Variants in ARHGAP15 observed in about 807,000 individuals in gnomAD.
The protein encoded by ARHGAP15 is Rho GTPase activating protein 15.
Under a neutral mutation model 63.7 loss-of-function variants are expected in ARHGAP15, and 51 were observed. The observed-to-expected ratio is 0.80, with a 90% CI of 0.64 to 1.01. The LOEUF is 1.01. Ranked by LOEUF, ARHGAP15 falls within the 50% of genes least tolerant of loss-of-function variation. The pLI is 0.00. For synonymous variants in ARHGAP15, 191 were observed against 193.8 expected, an observed-to-expected ratio of 0.99 and a Z score of 0.12; for missense variants, 560 against 564.6, an observed-to-expected ratio of 0.99 and a Z score of 0.08.
chr2:143,350,711 C>T (rs1685523955), intron 6 of ARHGAP15, among the ~76,000 whole-genome samples: 1 of 147,668 alleles, frequency 6.8e-6, no homozygotes. Flanking sequence ...TGGTGGTGGG[C>T]ATCTGTAGTC....
chr2:143,231,433 A>G (rs2104918143), intron 5 of ARHGAP15, among the ~76,000 whole-genome samples: 1 of 152,338 alleles, frequency 6.6e-6, no homozygotes, highest in South Asian at 2.1e-4. Flanking sequence ...GTAGCATAAA[A>G]TGCTGTCTCA....
intron 10 of ARHGAP15, among the ~76,000 whole-genome samples, chr2:143,528,453 T>C (rs964594303): frequency 9.2e-5 from 14 of 152,108 alleles, no homozygotes; most frequent in African/African-American, 3.4e-4. Flanking sequence ...TGATAGAGAC[T>C]GTCCAATAAT....
At chr2:143,296,836 G>A (rs1291140250) in intron 6 of ARHGAP15, among the ~76,000 whole-genome samples, 1 of 151,882 alleles carries the variant, frequency 6.6e-6, no homozygotes. Flanking sequence ...CCCTCAAGTA[G>A]ATCCCAGTGT....
chr2:143,376,653 AAAGGGTATGCCAT>A (rs1686821261), intron 6 of ARHGAP15, among the ~76,000 whole-genome samples: 1 of 152,030 alleles, frequency 6.6e-6, no homozygotes, highest in Non-Finnish European at 1.5e-5. Flanking sequence ...GATTTATTTT[AAAGGGTATGCCAT>A]ATAAAATCTA....
intron 12 of ARHGAP15, among the ~76,000 whole-genome samples, chr2:143,638,552 G>A (rs1326866217): frequency 4.7e-5 from 7 of 149,552 alleles, no homozygotes; most frequent in Non-Finnish European, 1.0e-4. Context: ...CCTAATGCTA[G>A]ATGACGAGTT....
intron 6 of ARHGAP15, among the ~76,000 whole-genome samples, chr2:143,373,859 T>A (rs1686687881): frequency 6.6e-6 from 1 of 152,082 alleles, no homozygotes; most frequent in Non-Finnish European, 1.5e-5. Context: ...ATTAATAAAG[T>A]TCTATGTCTC....
At chr2:143,406,724 T>C (rs910894513) in intron 6 of ARHGAP15, among the ~76,000 whole-genome samples, 8 of 151,994 alleles carry the variant, frequency 5.3e-5, no homozygotes, top group East Asian at 1.9e-4. Context: ...GGCATCATAA[T>C]ACATGAATTT....
chr2:143,474,824 G>C (rs756142614), intron 8 of ARHGAP15, among the ~76,000 whole-genome samples: 1 of 152,086 alleles, frequency 6.6e-6, no homozygotes, highest in Non-Finnish European at 1.5e-5. Context: ...GTTATCTGAC[G>C]GTCAACAACA....
At chr2:143,555,611 A>G (rs549057719) in intron 10 of ARHGAP15, among the ~76,000 whole-genome samples, 1 of 152,248 alleles carries the variant, frequency 6.6e-6, no homozygotes, top group South Asian at 2.1e-4. Context: ...AAACAAGTGA[A>G]TGATTATTGA....
intron 6 of ARHGAP15, among the ~76,000 whole-genome samples, chr2:143,321,064 G>A (rs969295776): frequency 1.3e-5 from 2 of 152,112 alleles, no homozygotes; most frequent in South Asian, 4.1e-4. Flanking sequence ...ACCCCTGGAT[G>A]CCTGGATGCC....
chr2:143,589,139 C>T (rs1386310603), intron 11 of ARHGAP15, among the ~76,000 whole-genome samples: 1 of 152,116 alleles, frequency 6.6e-6, no homozygotes, highest in Non-Finnish European at 1.5e-5. Context: ...CATTTCTAAC[C>T]CTTAGTTTCC....
chr2:143,741,091 C>T (rs1200370793), intron 13 of ARHGAP15: 1 of 152,280 alleles, frequency 6.6e-6, no homozygotes, highest in Non-Finnish European at 1.5e-5. Flanking sequence ...GCAACTCACC[C>T]GCATTGCCCA....
At position 143,410,588 on chromosome 2, in the gene ARHGAP15, C is replaced by T. The variant is rs78264538; in HGVS notation, c.475-25013C>T. ...TATGTGTCGAGCATTAAGATATGTA[C>T]TGAGAAATAGCAGTTAACATACAGA... On this transcript the variant is annotated intron_variant, in intron 6 of 13. Coordinates refer to ENST00000295095, the MANE Select transcript of ARHGAP15 (RefSeq NM_018460.4). Among the ~76,000 whole-genome samples the T allele has an allele frequency of 3.0e-3, 453 of 152,182 alleles. 4 individuals are homozygous for T. The highest frequency in any genetic ancestry group is 0.011 in the African/African-American group (438 of 41,502).
intron 11 of ARHGAP15, among the ~76,000 whole-genome samples, chr2:143,596,429 A>C (rs1249363430): frequency 6.6e-6 from 1 of 152,142 alleles, no homozygotes; most frequent in Admixed American, 6.6e-5. Context: ...AGACACCTTA[A>C]ATTTAAAATT....
chr2:143,606,035 C>CAA (rs869266541), intron 11 of ARHGAP15, among the ~76,000 whole-genome samples: 690 of 22,862 alleles, frequency 0.03, 202 homozygotes, highest in African/African-American at 0.11. Context: ...GACTCTGTCT[C>CAA]AAAAAAAAAA....
intron 13 of ARHGAP15, among the ~76,000 whole-genome samples, chr2:143,730,213 A>G (rs1685466163): frequency 6.6e-6 from 1 of 152,208 alleles, no homozygotes; most frequent in South Asian, 2.1e-4. Context: ...AACGCAGCCA[A>G]AGTGAGAAGA....
intron 11 of ARHGAP15, among the ~76,000 whole-genome samples, chr2:143,559,701 T>G (rs1470052602): frequency 1.3e-5 from 2 of 152,218 alleles, no homozygotes; most frequent in East Asian, 3.9e-4. Flanking sequence ...AGAGCTGACT[T>G]GAAAATAATC....
chr2:143,339,348 T>C (rs1684950613), intron 6 of ARHGAP15, among the ~76,000 whole-genome samples: 1 of 152,140 alleles, frequency 6.6e-6, no homozygotes, highest in Non-Finnish European at 1.5e-5. Flanking sequence ...GGTAACACAC[T>C]GAGCCAGATA....
intron 12 of ARHGAP15, among the ~76,000 whole-genome samples, chr2:143,636,152 G>A (rs1442413618): frequency 3.9e-5 from 6 of 152,026 alleles, no homozygotes; most frequent in African/African-American, 1.2e-4. Context: ...GCCAAGTAAC[G>A]GATGGGCAGA....
Sources: allele counts gnomAD v4.1 joint callset (sites outside exome capture counted in the v4.1 genomes callset), GRCh38; gene constraint gnomAD v4.1.1; transcripts MANE v1.5; gene names NCBI Gene and HGNC (gene_info 2026-07-23, HGNC 2026-07-21).